The following FGF12 variants were observed in gnomAD, a reference collection of about 807,000 sequenced individuals.
The protein encoded by FGF12 is fibroblast growth factor 12B.
A neutral mutation model predicts 23.6 loss-of-function variants in FGF12; 14 were observed. The observed-to-expected ratio is 0.59, with a 90% CI of 0.39 to 0.93. The LOEUF is 0.93. FGF12 is among the 40% of genes least tolerant of loss of function. The pLI, the probability that FGF12 is intolerant of heterozygous loss-of-function variation, is 0.00. For synonymous variants in FGF12, 62 were observed against 77.3 expected, an observed-to-expected ratio of 0.80 and a Z score of 1.04; for missense variants, 175 against 217.8, an observed-to-expected ratio of 0.80 and a Z score of 1.24.
At chr3:192,590,777 TCTTGGCCTTAGATTTTAAAC>T (rs1172194268) in intron 2 of FGF12, among the ~76,000 whole-genome samples, 2 of 151,832 alleles carry the variant, frequency 1.3e-5, no homozygotes, top group Non-Finnish European at 2.9e-5. Context: ...AATACAGACT[TCTTGGCCTTAGATTTTAAAC>T]CTCTCAAAAG....
intron 2 of FGF12, among the ~76,000 whole-genome samples, chr3:192,718,161 C>CTTTTTTTTTTTTTTTTTTT (rs71177369): frequency 3.8e-5 from 3 of 77,968 alleles, no homozygotes; most frequent in Non-Finnish European, 7.4e-5. Context: ...GTTAGTCTTT[C>CTTTTTTTTTTTTTTTTTTT]TTTTTTTTTT....
At chr3:192,504,695 T>A (rs964227954) in intron 2 of FGF12, among the ~76,000 whole-genome samples, 1 of 152,164 alleles carries the variant, frequency 6.6e-6, no homozygotes, top group South Asian at 2.1e-4. Context: ...TACAGGTAGA[T>A]GTGGAACCCA....
chr3:192,625,231 T>C (rs1165093736), intron 2 of FGF12, among the ~76,000 whole-genome samples: 1 of 152,142 alleles, frequency 6.6e-6, no homozygotes, highest in Non-Finnish European at 1.5e-5. Flanking sequence ...ATCTGTAATT[T>C]TGACAGATGT....
At chr3:192,264,789 G>A (rs1320720761) in intron 4 of FGF12, among the ~76,000 whole-genome samples, 1 of 152,052 alleles carries the variant, frequency 6.6e-6, no homozygotes, top group African/African-American at 2.4e-5. Context: ...CAACAAGAGT[G>A]GAATTCCAGA....
chr3:192,245,251 A>G (rs1178496701), intron 4 of FGF12, among the ~76,000 whole-genome samples: 1 of 138,958 alleles, frequency 7.2e-6, no homozygotes, highest in Non-Finnish European at 1.6e-5. Context: ...ACATGACACC[A>G]TGCCCGGCAA....
chr3:192,266,131 T>G (rs1411824874), intron 4 of FGF12, among the ~76,000 whole-genome samples: 1 of 152,168 alleles, frequency 6.6e-6, no homozygotes, highest in African/African-American at 2.4e-5. Context: ...ATACTGTATT[T>G]TCATACAATC....
intron 2 of FGF12, among the ~76,000 whole-genome samples, chr3:192,542,122 C>T (rs1263137538): frequency 6.6e-6 from 1 of 151,628 alleles, no homozygotes; most frequent in African/African-American, 2.4e-5. Flanking sequence ...ATCCGCCTAC[C>T]TTGGCCTCCC....
chr3:192,448,552 G>T (rs1722429451), intron 2 of FGF12, among the ~76,000 whole-genome samples: 1 of 152,172 alleles, frequency 6.6e-6, no homozygotes, highest in Non-Finnish European at 1.5e-5. Context: ...TTGCCCAAGT[G>T]ACGGCACTTT....
chr3:192,302,094 C>T (rs1442949764), intron 4 of FGF12, among the ~76,000 whole-genome samples: 1 of 152,142 alleles, frequency 6.6e-6, no homozygotes, highest in Non-Finnish European at 1.5e-5. Flanking sequence ...ACAACACTTG[C>T]TTTGCAGAAC....
intron 2 of FGF12, among the ~76,000 whole-genome samples, chr3:192,419,673 GA>G (rs1395029379): frequency 5.3e-5 from 8 of 152,212 alleles, no homozygotes; most frequent in African/African-American, 1.9e-4. Context: ...CAATACTTGG[GA>G]AAACTTTTGT....
intron 4 of FGF12, among the ~76,000 whole-genome samples, chr3:192,299,351 T>C (rs1049643630): frequency 1.1e-4 from 17 of 152,208 alleles, no homozygotes; most frequent in Admixed American, 1.1e-3. Flanking sequence ...CTGGATGAGA[T>C]TGGCCTGTGA....
chr3:192,480,480 G>A (rs59718827), intron 2 of FGF12, among the ~76,000 whole-genome samples: 4,655 of 152,250 alleles, frequency 0.031, 252 homozygotes, highest in African/African-American at 0.11. Context: ...AGTGCAAAGA[G>A]GATATGCTTA....
chr3:192,285,194 G>T (rs1216726248), intron 4 of FGF12, among the ~76,000 whole-genome samples: 1 of 152,008 alleles, frequency 6.6e-6, no homozygotes, highest in Admixed American at 6.6e-5. Context: ...ATGACCCTTA[G>T]TAGTTGATAA....
chr3:192,720,225 C>A (rs1718996849), intron 2 of FGF12, among the ~76,000 whole-genome samples: 1 of 152,244 alleles, frequency 6.6e-6, no homozygotes, highest in Non-Finnish European at 1.5e-5. Flanking sequence ...AGTTTAAAGT[C>A]CCACTTTCAA....
At chr3:192,347,625 C>T (rs1718024519) in intron 3 of FGF12, among the ~76,000 whole-genome samples, 1 of 152,108 alleles carries the variant, frequency 6.6e-6, no homozygotes, top group African/African-American at 2.4e-5. Context: ...ACTCCAAGTG[C>T]ACTAGATGTT....
In FGF12 at chr3:192,140,274, T is replaced by G. The variant is rs1713297382; in HGVS notation, c.*3735A>C. 6.6e-6 allele frequency: 1 copy of G among 152,078 alleles called. No homozygotes were observed. Among genetic ancestry groups the G allele is most frequent in the Non-Finnish European group, 1.5e-5 (1 of 67,938 alleles). The allele number at this position is 152,078 out of a possible 1,614,324, so 9.4% of individuals were successfully genotyped here. A position where few individuals can be genotyped will look rare whatever the true frequency, so the allele number is the denominator to read the frequency against. Reference sequence around the variant, plus strand: ...TAATTTTGACTTAAAAAATGCTATTTACAATTTTATGACAGAGAAATAACC... The same window carrying G: ...TAATTTTGACTTAAAAAATGCTATTGACAATTTTATGACAGAGAAATAACC... On this transcript the variant is annotated 3_prime_UTR_variant, in exon 6 of 6. Transcript: ENST00000445105.
At chr3:192,234,238 G>C (rs1475257608) in intron 4 of FGF12, among the ~76,000 whole-genome samples, 1 of 152,114 alleles carries the variant, frequency 6.6e-6, no homozygotes, top group Non-Finnish European at 1.5e-5. Flanking sequence ...TCTTTCAGCA[G>C]TTTCTGCAAT....
At chr3:192,394,049 G>A (rs1720415547) in intron 2 of FGF12, among the ~76,000 whole-genome samples, 1 of 152,150 alleles carries the variant, frequency 6.6e-6, no homozygotes, top group Non-Finnish European at 1.5e-5. Context: ...CTGTCCTGCA[G>A]TATGACATTA....
chr3:192,256,790 A>C (rs1712424012), intron 4 of FGF12, among the ~76,000 whole-genome samples: 1 of 152,086 alleles, frequency 6.6e-6, no homozygotes, highest in South Asian at 2.1e-4. Flanking sequence ...ACACACAGAT[A>C]GCAGAATAGA....
Sources: allele counts gnomAD v4.1 joint callset (sites outside exome capture counted in the v4.1 genomes callset), GRCh38; gene constraint gnomAD v4.1.1; transcripts MANE v1.5; gene names NCBI Gene and HGNC (gene_info 2026-07-23, HGNC 2026-07-21).